Variants in GRIK5 observed in about 807,000 individuals in gnomAD.
The protein encoded by GRIK5 is glutamate ionotropic receptor kainate type subunit 5.
In GRIK5, 43 loss-of-function variants were observed where a neutral mutation model predicts 97.4. The ratio of observed to expected loss-of-function variants is 0.44; its 90% CI spans 0.35 to 0.57. The LOEUF (loss-of-function observed/expected upper bound fraction) is 0.57, where lower values mean the gene tolerates loss of function less well. Among genes scored for constraint, GRIK5 ranks in the 20% least tolerant of loss-of-function variants. The probability of loss-of-function intolerance (pLI) is 0.01; values close to 1 mark genes in which losing one functional copy is unlikely to be tolerated. For missense variants in GRIK5, 1,015 were observed against 1,382.0 expected, an observed-to-expected ratio of 0.73 and a Z score of 4.21; for synonymous variants, 580 against 583.5, an observed-to-expected ratio of 0.99 and a Z score of 0.09.
intron 12 of GRIK5, among the ~76,000 whole-genome samples, chr19:42,035,572 T>C (rs1018718857): frequency 6.6e-6 from 1 of 151,800 alleles, no homozygotes; most frequent in African/African-American, 2.4e-5. Context: ...TAGCCTGGCA[T>C]GGTGGTGGGC....
At chr19:42,027,181 T>C (rs1053057295) in intron 12 of GRIK5, among the ~76,000 whole-genome samples, 2 of 152,104 alleles carry the variant, frequency 1.3e-5, no homozygotes, top group Admixed American at 6.5e-5. Flanking sequence ...CGGCGGTGAA[T>C]AGAAACATAC....
rs2076325124 is a variant in GRIK5, at chr19:42,065,893, TG to T, written c.-50-74del. 3 of 753,010 alleles carry T rather than the reference TG, an allele frequency of 4.0e-6. No individual in the cohort carries two copies. The East Asian group carries it at 8.1e-5, about 20-fold the overall frequency. 46.6% of individuals were successfully genotyped at this position (753,010 alleles called of 1,614,324 possible). On this transcript the variant is annotated intron_variant, in intron 1 of 19. Transcript: ENST00000593562. The surrounding 1 kb of genome is among the most constrained non-coding windows in gnomAD (Gnocchi z 5.8). ...TGGAACCCCTTGGAGGCCTGCTGGA[TG>T]GGGTGGTCACAGAAGCCTTGGGGAC...
chr19:42,019,487 C>T (rs149106688), intron 15 of GRIK5, among the ~76,000 whole-genome samples: 80 of 152,242 alleles, frequency 5.3e-4, no homozygotes, highest in African/African-American at 1.9e-3. Flanking sequence ...ACTGTGTGGC[C>T]GGCAGAATAG....
rs2290694 is a variant in GRIK5 at position 42,022,080 on chromosome 19, C to T, written c.1588-24G>A. ...CCCTGTGGGGAGAGGGAGTGAGACC[C>T]GGAGACACCCCTGGCCTGAGCCTCA... On this transcript the variant is annotated intron_variant, in intron 13 of 19. Coordinates refer to ENST00000593562, the MANE Select transcript of GRIK5 (RefSeq NM_002088.5). The surrounding 1 kb of genome is among the most constrained non-coding windows in gnomAD (Gnocchi z 4.2). The T allele has an allele frequency of 3.3e-5, 51 of 1,549,734 alleles. 1 individual carries two copies. The East Asian group carries it at 4.5e-4, about 14-fold the overall frequency.
Position 42,059,361 on chromosome 19 carries a change from G to A in GRIK5, c.675C>T (p.Leu225=), listed in dbSNP as rs937617720. ...IIDANASISH[L]ILRKASELGM... is the part of the protein sequence containing the mutation. ...GTAGGGGCCTCACCTTACGGAGGAT[G>A]AGGTGGGAGATGGAGGCGTTGGCGT... is the stretch of plus-strand genomic sequence containing the variant. The change falls in exon 6 of 20, where the codon CTC becomes CTT. Residue 225 remains leucine (L), a synonymous_variant. Coordinates refer to ENST00000593562, the MANE Select transcript of GRIK5 (RefSeq NM_002088.5). 6.2e-7 allele frequency: 1 copy of A among 1,612,950 alleles called. No homozygotes were observed.
intron 8 of GRIK5, 106 bp downstream of exon 8, chr19:42,056,556 G>A (rs2076187882): frequency 1.1e-6 from 1 of 948,874 alleles, no homozygotes; most frequent in Non-Finnish European, 1.6e-6. Context: ...GAGGCCTCAG[G>A]GAGGGCGAGA....
intron 11 of GRIK5, among the ~76,000 whole-genome samples, chr19:42,045,025 T>C (rs562750212): frequency 6.6e-6 from 1 of 152,244 alleles, no homozygotes; most frequent in Non-Finnish European, 1.5e-5. Context: ...TTTAATTCCT[T>C]ATGGTGACCT....
intron 15 of GRIK5, among the ~76,000 whole-genome samples, chr19:42,019,464 A>G (rs1784590353): frequency 6.6e-6 from 1 of 152,204 alleles, no homozygotes; most frequent in South Asian, 2.1e-4. Flanking sequence ...AAATATTAGT[A>G]CATTTCACTT....
Position 42,056,009 on chromosome 19 carries a change from G to A in GRIK5, c.903+653C>T, listed in dbSNP as rs1333619248. 5.8e-5 allele frequency among the ~76,000 whole-genome samples: 8 copies of A among 138,262 alleles called. No homozygotes were observed. In the South Asian group the frequency reaches 7.0e-4, roughly 12 times the overall value. The allele number at this position is 138,262 out of a possible 152,430, so 90.7% of individuals were successfully genotyped here. A position where few individuals can be genotyped will look rare whatever the true frequency, so the allele number is the denominator to read the frequency against. On this transcript the variant is annotated intron_variant, in intron 8 of 19. Transcript: ENST00000593562. ...ATTTACTTTTTTTTTTTTTTGAGAC[G>A]GAGTCTCGCTCTCTCGCCCAGGCTG...
Position 42,021,486 on chromosome 19 carries a change from C to T in GRIK5, c.1698-12G>A, listed in dbSNP as rs767067546. 9 of 1,523,814 alleles carry T rather than the reference C, an allele frequency of 5.9e-6. No homozygotes were observed. The highest frequency in any genetic ancestry group is 7.9e-6 in the Non-Finnish European group (9 of 1,133,006). The allele number at this position is 1,523,814 out of a possible 1,614,324, so 94.4% of individuals were successfully genotyped here. A position where few individuals can be genotyped will look rare whatever the true frequency, so the allele number is the denominator to read the frequency against. ...CATAGGGGCTCAGCCTGTGGAGAGA[C>T]GTGCAGCGTGTGGATGGGGCCCAGA... On this transcript the variant is annotated splice_polypyrimidine_tract_variant and intron_variant, in intron 14 of 19. Transcript: ENST00000593562. This position sits in a 1 kb window ranked among gnomAD's most constrained non-coding sequence, Gnocchi z 4.2.
At chr19:42,009,001 AG>A (rs1350222949) in intron 15 of GRIK5, among the ~76,000 whole-genome samples, 1 of 152,092 alleles carries the variant, frequency 6.6e-6, no homozygotes, top group African/African-American at 2.4e-5. Flanking sequence ...CCGAGGCAGG[AG>A]GATCACTTGA....
At chr19:42,055,592 A>T (rs2076172895) in intron 8 of GRIK5, among the ~76,000 whole-genome samples, 1 of 152,226 alleles carries the variant, frequency 6.6e-6, no homozygotes, top group Admixed American at 6.5e-5. Context: ...TAAGTCTAAT[A>T]TACAGTAAGC....
chr19:42,041,513 C>T (rs912129060), intron 12 of GRIK5, among the ~76,000 whole-genome samples: 4 of 152,170 alleles, frequency 2.6e-5, no homozygotes, highest in Non-Finnish European at 5.9e-5. Context: ...TATTATTATC[C>T]CCATCTTAGG....
In GRIK5 at chr19:42,022,896, C is replaced by T. The variant is rs1193267788; in HGVS notation, c.1474-542G>A. Among the ~76,000 whole-genome samples the T allele has an allele frequency of 1.3e-5, 2 of 152,020 alleles. No homozygotes were observed. Among genetic ancestry groups the T allele is most frequent in the Non-Finnish European group, 2.9e-5 (2 of 68,002 alleles). On this transcript the variant is annotated intron_variant, in intron 12 of 19. Coordinates refer to ENST00000593562, the MANE Select transcript of GRIK5 (RefSeq NM_002088.5). The surrounding 1 kb of genome is among the most constrained non-coding windows in gnomAD (Gnocchi z 4.2). Reference sequence around the variant, plus strand: ...AGGGAGATAGGGCACAAGCCCCAAACAGCATCCTGGTCAGGAGACGACACT... The same window carrying T: ...AGGGAGATAGGGCACAAGCCCCAAATAGCATCCTGGTCAGGAGACGACACT...
At chr19:42,049,583 T>C (rs1568919308) in intron 11 of GRIK5, among the ~76,000 whole-genome samples, 1 of 152,116 alleles carries the variant, frequency 6.6e-6, no homozygotes, top group Non-Finnish European at 1.5e-5. Context: ...AGCTGATCTG[T>C]GGTGACGGAA....
At position 42,002,861 on chromosome 19, in the gene GRIK5, G is replaced by A. The variant is rs558312716; in HGVS notation, c.2514+471C>T. Among the ~76,000 whole-genome samples the A allele has an allele frequency of 3.3e-5, 5 of 152,178 alleles. No homozygotes were observed. The highest frequency in any genetic ancestry group is 4.2e-4 in the South Asian group (2 of 4,798). The stretch of plus-strand genomic sequence containing the variant: ...AGCGATCCTCCCATCTCAGCCTCCC[G>A]AGTAGCTGGGATTACAGGTGTGCAC... On this transcript the variant is annotated intron_variant, in intron 19 of 19. Coordinates refer to ENST00000593562, the MANE Select transcript of GRIK5 (RefSeq NM_002088.5). This position sits in a 1 kb window ranked among gnomAD's most constrained non-coding sequence, Gnocchi z 5.2.
chr19:42,007,716 C>T (rs2075509827), intron 15 of GRIK5, among the ~76,000 whole-genome samples: 1 of 152,106 alleles, frequency 6.6e-6, no homozygotes, highest in African/African-American at 2.4e-5. Flanking sequence ...TGGGGCTGGA[C>T]AAGAGCAACT....
At chr19:42,005,597 C>T (rs1645925958) in intron 17 of GRIK5, 126 bp downstream of exon 17, 5 of 671,084 alleles carry the variant, frequency 7.5e-6, no homozygotes, top group East Asian at 2.7e-5. Context: ...CAAGACCATA[C>T]AGCCAGGAGG....
chr19:42,059,248 C>G, intron 6 of GRIK5, 101 bp downstream of exon 6: 1 of 832,056 alleles, frequency 1.2e-6, no homozygotes, highest in Non-Finnish European at 2.0e-6. Flanking sequence ...GGTCTTGAAG[C>G]CCCCTTTTGA....
Sources: allele counts gnomAD v4.1 joint callset (sites outside exome capture counted in the v4.1 genomes callset), GRCh38; gene constraint gnomAD v4.1.1; non-coding constraint Gnocchi (gnomAD v3.1); transcripts MANE v1.5; gene names NCBI Gene and HGNC (gene_info 2026-07-23, HGNC 2026-07-21).